The following WDHD1 variants were observed in gnomAD, a reference collection of about 807,000 sequenced individuals.
WDHD1 encodes the protein WD repeat and HMG-box DNA binding protein 1.
In WDHD1, 111 loss-of-function variants were observed where a neutral mutation model predicts 135.4. The ratio of observed to expected loss-of-function variants is 0.82; its 90% confidence interval spans 0.70 to 0.96. The LOEUF (loss-of-function observed/expected upper bound fraction) is 0.96. WDHD1 is among the 40% of genes least tolerant of loss of function. The pLI is 0.00. For missense variants in WDHD1, 1,351 were observed against 1,336.3 expected (o/e 1.01, Z -0.17); for synonymous variants, 434 against 439.0 (o/e 0.99, Z 0.14).
rs771901948 is a variant in WDHD1 at position 54,966,503 on chromosome 14, T to C, written c.2282A>G (p.Gln761Arg). 4 of 1,603,640 alleles carry C rather than the reference T, an allele frequency of 2.5e-6. No individual in the cohort carries two copies. The African/African-American group carries it at 5.4e-5, about 22-fold the overall frequency. The change falls in exon 18 of 26, where the codon CAA becomes CGA. Residue 761 changes from glutamine (Q) to arginine (R), a missense_variant. Gln to Arg is a conservative substitution (Grantham distance 43). Transcript: ENST00000360586. The stretch of plus-strand genomic sequence containing the variant: ...AAGCATTTTCATTAAAAGTTCCTGT[T>C]GCTCTTTTGTTGCTTGATTTTTAGT... ...ESTKNQATKE[Q>R]QELLMKMLAL...
chr14:54,944,588 A>C (rs2040889766), intron 24 of WDHD1, 118 bp from the exon 25 acceptor site: 1 of 930,222 alleles, frequency 1.1e-6, no homozygotes, highest in Non-Finnish European at 1.5e-6. Context: ...AGTAAGGAAG[A>C]CACAGTTACA....
At chr14:54,961,470 C>G (rs937110704) in intron 21 of WDHD1, among the ~76,000 whole-genome samples, 3 of 152,150 alleles carry the variant, frequency 2.0e-5, no homozygotes, top group Non-Finnish European at 2.9e-5. Context: ...CCTTTTGCAG[C>G]CTTCAGTTCA....
chr14:54,958,206 A>G (rs1016883498), intron 21 of WDHD1, among the ~76,000 whole-genome samples: 4 of 147,742 alleles, frequency 2.7e-5, no homozygotes, highest in African/African-American at 1.0e-4. Context: ...GGCTCACTGC[A>G]AAGTCCACCT....
chr14:54,972,199 C>T (rs905383457), intron 16 of WDHD1, among the ~76,000 whole-genome samples: 2 of 147,334 alleles, frequency 1.4e-5, no homozygotes, highest in South Asian at 2.2e-4. Flanking sequence ...GGGGTGAACC[C>T]GGGAGGCGGA....
chr14:55,003,416 G>A (rs1359369891), intron 7 of WDHD1, among the ~76,000 whole-genome samples: 1 of 152,006 alleles, frequency 6.6e-6, no homozygotes, highest in Admixed American at 6.5e-5. Flanking sequence ...GTTGGGGGCT[G>A]AGGTGGGAGG....
At chr14:54,947,403 T>C (rs1328724516) in intron 24 of WDHD1, among the ~76,000 whole-genome samples, 1 of 152,172 alleles carries the variant, frequency 6.6e-6, no homozygotes, top group African/African-American at 2.4e-5. Flanking sequence ...AATAAAATTT[T>C]CACTGTTTAA....
intron 15 of WDHD1, among the ~76,000 whole-genome samples, chr14:54,982,858 G>A (rs558642822): frequency 1.3e-5 from 2 of 152,274 alleles, no homozygotes; most frequent in Middle Eastern, 3.4e-3. Context: ...AGAGATGACA[G>A]GTGATTTAAA....
rs1332075939 is a variant in WDHD1, at chr14:54,989,178, T to C, written c.1376A>G (p.Asn459Ser). ...WNSIGIIRCY[N>S]DEQDNAIDVE... is the part of the protein sequence containing the mutation. ...ATCTATGGCATTGTCTTGCTCATCATTATAGCAGCGAATAATTCCAATAGA... is the reference window on the plus strand; with the variant it reads ...ATCTATGGCATTGTCTTGCTCATCACTATAGCAGCGAATAATTCCAATAGA... The change falls in exon 13 of 26, where the codon AAT becomes AGT. Residue 459 changes from asparagine to serine, a missense_variant. Transcript: ENST00000360586. 1 of 1,613,400 alleles carries C rather than the reference T, an allele frequency of 6.2e-7. No homozygotes were observed. Among genetic ancestry groups the C allele is most frequent in the Non-Finnish European group, 8.5e-7 (1 of 1,179,674 alleles).
chr14:54,994,783 T>C (rs1221746259), intron 11 of WDHD1, among the ~76,000 whole-genome samples: 1 of 150,680 alleles, frequency 6.6e-6, no homozygotes, highest in African/African-American at 2.4e-5. Context: ...AAAATCCGGT[T>C]GCACTCATAA....
intron 11 of WDHD1, among the ~76,000 whole-genome samples, chr14:54,995,310 G>A (rs2041860081): frequency 6.6e-6 from 1 of 152,004 alleles, no homozygotes; most frequent in African/African-American, 2.4e-5. Context: ...ACCAGCTTTT[G>A]GTCTCATTGA....
Position 54,966,560 on chromosome 14 carries a change from A to G in WDHD1, c.2225T>C (p.Leu742Ser), listed in dbSNP as rs767947644. 6 of 1,608,280 alleles carry G rather than the reference A, an allele frequency of 3.7e-6. No individual in the cohort carries two copies. The highest frequency in any genetic ancestry group is 1.7e-6 in the Non-Finnish European group (2 of 1,178,816). ...SVIFHNHLDY[L>S]AKNGYEYEES... ...TTCATATTCATAACCATTTTTAGCT[A>G]AATAATCAAGGTGGTTGTGAAATAT... Residue 742 changes from leucine to serine, a missense_variant, in exon 18 of 26, where the codon TTA (leucine) becomes TCA (serine). Leu to Ser is a moderately radical substitution (Grantham distance 145). This residue lies in a region of WDHD1 where 1,330 missense variants were observed against 1,296.1 expected (regional missense o/e 1.03). Coordinates refer to ENST00000360586, the MANE Select transcript of WDHD1 (RefSeq NM_007086.4).
Position 54,984,798 on chromosome 14 carries a change from T to C in WDHD1, c.1831A>G (p.Lys611Glu). Residue 611 changes from lysine (K) to glutamate (E), a missense_variant, in exon 15 of 26, where the codon AAA becomes GAA. Lys to Glu is a moderately conservative substitution (Grantham distance 56, BLOSUM62 1). Coordinates refer to ENST00000360586, the MANE Select transcript of WDHD1 (RefSeq NM_007086.4). ...AGAGGGTCACCATGCAAAATTTGTT[T>C]TTTCTTTTTCCCCAGCTCTAGCAGT... ...VQLLELGKKKKQILHGDPLPL... is the reference protein window; with the variant it reads ...VQLLELGKKKEQILHGDPLPL... The C allele has an allele frequency of 1.2e-6, 2 of 1,614,000 alleles. No homozygotes were observed.
At chr14:54,977,205 C>T (rs914838096) in intron 16 of WDHD1, among the ~76,000 whole-genome samples, 2 of 152,008 alleles carry the variant, frequency 1.3e-5, no homozygotes, top group African/African-American at 4.8e-5. Context: ...AGAGAGACAG[C>T]AAATAGACCA....
At chr14:54,961,112 T>C (rs565797651) in intron 21 of WDHD1, among the ~76,000 whole-genome samples, 24 of 152,272 alleles carry the variant, frequency 1.6e-4, no homozygotes, top group Admixed American at 1.4e-3. Context: ...GCCAGTAGTC[T>C]ATTATCTGTT....
chr14:54,991,327 G>GT lies in WDHD1; in HGVS notation c.1226dup (p.His409GlnfsTer14). 6.2e-7 allele frequency: 1 copy of GT among 1,614,178 alleles called. No individual in the cohort carries two copies. Among genetic ancestry groups the GT allele is most frequent in the South Asian group, 1.1e-5 (1 of 91,084 alleles). On this transcript the variant is annotated frameshift_variant, in exon 12 of 26. Coordinates refer to ENST00000360586, the MANE Select transcript of WDHD1 (RefSeq NM_007086.4). LOFTEE classifies it high-confidence loss of function. The stretch of plus-strand genomic sequence containing the variant: ...TTTGGGATGTTACAAGTGGTAGATT[G>GT]TGAATGCTGCCTTCTTGACCATCTT...
chr14:54,980,050 C>A (rs2041591890), intron 16 of WDHD1, among the ~76,000 whole-genome samples: 1 of 152,162 alleles, frequency 6.6e-6, no homozygotes, highest in South Asian at 2.1e-4. Context: ...TTCAGCCAGG[C>A]ACAGTGGCTC....
chr14:54,995,672 C>G lies in WDHD1; in HGVS notation c.1084G>C (p.Asp362His), dbSNP rs762269992. 4 of 1,613,614 alleles carry G rather than the reference C, an allele frequency of 2.5e-6. No individual in the cohort carries two copies. ...GGACGACCTGAAGCCATCATGAGGTCTTCATCATCCTCATCATCATTTATA... is the reference window on the plus strand; with the variant it reads ...GGACGACCTGAAGCCATCATGAGGTGTTCATCATCCTCATCATCATTTATA... ...GIINDDEDDEDLMMASGRPRQ... is the reference protein window; with the variant it reads ...GIINDDEDDEHLMMASGRPRQ... Residue 362 changes from aspartate (D) to histidine (H), a missense_variant, in exon 11 of 26, where the codon GAC becomes CAC. Transcript: ENST00000360586.
intron 18 of WDHD1, among the ~76,000 whole-genome samples, chr14:54,964,888 T>C (rs983014192): frequency 3.9e-5 from 6 of 152,242 alleles, no homozygotes; most frequent in South Asian, 2.1e-4. Flanking sequence ...TGTTTCCTTA[T>C]ATGTGTTGTA....
intron 10 of WDHD1, among the ~76,000 whole-genome samples, chr14:54,998,890 T>C (rs2041933805): frequency 6.6e-6 from 1 of 152,232 alleles, no homozygotes; most frequent in Non-Finnish European, 1.5e-5. Flanking sequence ...TTATAAAGTA[T>C]GCCAAACTTA....
Sources: gnomAD v4.1 joint callset for allele counts (sites outside exome capture counted in the v4.1 genomes callset) on GRCh38, gnomAD v4.1.1 for gene constraint, gnomAD v4.1.1 regional missense constraint, MANE v1.5 for transcripts, NCBI Gene and HGNC (gene_info 2026-07-23, HGNC 2026-07-21) for gene names.